Variants in NSD1 observed in about 807,000 individuals in gnomAD.
NSD1 encodes the protein nuclear receptor binding SET domain protein 1, also known as histone-lysine N-methyltransferase, H3 lysine-36 specific.
A neutral mutation model predicts 242.7 loss-of-function variants in NSD1; 26 were observed. The observed-to-expected ratio is 0.11, with a 90% confidence interval of 0.08 to 0.15. The LOEUF is 0.15. Among genes scored for constraint, NSD1 ranks in the 10% least tolerant of loss-of-function variants. NSD1 has a pLI of 1.00. For synonymous variants in NSD1, 1,106 were observed against 1,178.1 expected, an observed-to-expected ratio of 0.94 and a Z score of 1.25; for missense variants, 2,495 against 3,272.8, an observed-to-expected ratio of 0.76 and a Z score of 5.80.
At chr5:177,149,248 T>C (rs1398533107) in intron 2 of NSD1, among the ~76,000 whole-genome samples, 2 of 151,996 alleles carry the variant, frequency 1.3e-5, no homozygotes, top group Admixed American at 1.3e-4. Context: ...GACGGAATGT[T>C]GCTCTTGTTG....
In NSD1 at chr5:177,299,876, G is replaced by T; in HGVS notation, c.*4417G>T. 4.3e-6 allele frequency: 1 copy of T among 233,334 alleles called. No homozygotes were observed. Among genetic ancestry groups the T allele is most frequent in the East Asian group, 6.0e-5 (1 of 16,594 alleles). 14.5% of individuals were successfully genotyped at this position (233,334 alleles called of 1,614,324 possible). A position where few individuals can be genotyped will look rare whatever the true frequency, so the allele number is the denominator to read the frequency against. ...AGAGCAAGGCGGTCTCATCGAGGTG[G>T]GTGCTACCTGTGTGTGTGTAGATGA... is the stretch of plus-strand genomic sequence containing the variant. On this transcript the variant is annotated 3_prime_UTR_variant, in exon 23 of 23. Transcript: ENST00000439151.
Position 177,300,057 on chromosome 5 carries a change from GCCCCCCC to G in NSD1, c.*4605_*4611del, listed in dbSNP as rs60995782. On this transcript the variant is annotated 3_prime_UTR_variant, in exon 23 of 23. Transcript: ENST00000439151. ...AGGTCCATCATTGCTTTTTTGCCGCGCCCCCCCCCCCCCGCCCCCATAGATTGTCAGC... is the reference window on the plus strand; with the variant it reads ...AGGTCCATCATTGCTTTTTTGCCGCGCCCCCCGCCCCCATAGATTGTCAGC... 1.9e-4 allele frequency: 25 copies of G among 134,926 alleles called. 1 individual carries two copies. The highest frequency in any genetic ancestry group is 1.0e-3 in the African/African-American group (25 of 24,326). The allele number at this position is 134,926 out of a possible 1,614,324, so 8.4% of individuals were successfully genotyped here.
chr5:177,290,633 T>C (rs1759744510), intron 21 of NSD1, among the ~76,000 whole-genome samples: 1 of 149,482 alleles, frequency 6.7e-6, no homozygotes, highest in African/African-American at 2.6e-5. Flanking sequence ...GGTCTCAAAC[T>C]CCTGACCTCA....
chr5:177,162,436 C>T (rs558423369), intron 2 of NSD1, among the ~76,000 whole-genome samples: 46 of 152,142 alleles, frequency 3.0e-4, no homozygotes, highest in Non-Finnish European at 5.6e-4. Context: ...CACTCTGTCA[C>T]GCAGGCTGGA....
intron 2 of NSD1, among the ~76,000 whole-genome samples, chr5:177,156,708 A>G (rs1479927175): frequency 6.6e-6 from 1 of 152,142 alleles, no homozygotes; most frequent in African/African-American, 2.4e-5. Flanking sequence ...TTTTTATAGT[A>G]TGTCATGTTT....
At chr5:177,283,764 T>C in intron 19 of NSD1, 23 bp from the exon 20 acceptor site, 1 of 1,613,806 alleles carries the variant, frequency 6.2e-7, no homozygotes, top group Admixed American at 1.7e-5. Flanking sequence ...AAGTCTGATG[T>C]GTAGCTTCTT....
rs1180593710 is a variant in NSD1 at position 177,295,016 on chromosome 5, G to A, written c.7648G>A (p.Glu2550Lys). The change falls in exon 23 of 23, where the codon GAG becomes AAG. Residue 2550 changes from glutamate (E) to lysine (K), a missense_variant. Coordinates refer to ENST00000439151, the MANE Select transcript of NSD1 (RefSeq NM_022455.5). The surrounding 1 kb of genome is among the most constrained non-coding windows in gnomAD (Gnocchi z 4.3). ...SQPPAKAFLY[E>K]PTTQASGRAS... ...GCCTCCTGCCAAGGCCTTTTTATATGAGCCAACAACTCAGGCCTCAGGAAG... is the reference window on the plus strand; with the variant it reads ...GCCTCCTGCCAAGGCCTTTTTATATAAGCCAACAACTCAGGCCTCAGGAAG... 3.1e-6 allele frequency: 5 copies of A among 1,614,202 alleles called. No homozygotes were observed. The highest frequency in any genetic ancestry group is 4.2e-6 in the Non-Finnish European group (5 of 1,180,036).
At chr5:177,262,597 G>A (rs754772128) in intron 14 of NSD1, among the ~76,000 whole-genome samples, 3 of 152,212 alleles carry the variant, frequency 2.0e-5, no homozygotes, top group Non-Finnish European at 4.4e-5. Flanking sequence ...ACAGCTACAA[G>A]GCTGGGCGCC....
chr5:177,201,313 G>C (rs763324908), intron 3 of NSD1, among the ~76,000 whole-genome samples: 1 of 152,060 alleles, frequency 6.6e-6, no homozygotes, highest in Non-Finnish European at 1.5e-5. Flanking sequence ...GGGTTCAAGC[G>C]ATTCTTCTGC....
chr5:177,142,784 A>C (rs1019980492), intron 2 of NSD1, among the ~76,000 whole-genome samples: 2 of 152,152 alleles, frequency 1.3e-5, no homozygotes, highest in Admixed American at 1.3e-4. Context: ...AAAATGAGAA[A>C]TACTGGGTCT....
chr5:177,195,078 G>C lies in NSD1; in HGVS notation c.1063+3059G>C, dbSNP rs141379354. 4.3e-3 allele frequency among the ~76,000 whole-genome samples: 655 copies of C among 152,210 alleles called. 3 individuals carry two copies. The highest frequency in any genetic ancestry group is 0.014 in the African/African-American group (599 of 41,520). On this transcript the variant is annotated intron_variant, in intron 3 of 22. Coordinates refer to ENST00000439151, the MANE Select transcript of NSD1 (RefSeq NM_022455.5). Reference sequence around the variant, plus strand: ...GGAGGCTGAGGCAGAAGAATTGCTTGAGCCCGGGATGTGGAGGTTGCCGTG... The same window carrying C: ...GGAGGCTGAGGCAGAAGAATTGCTTCAGCCCGGGATGTGGAGGTTGCCGTG...
Position 177,135,556 on chromosome 5 carries a change from G to A in NSD1, c.453G>A (p.Leu151=), listed in dbSNP as rs1171422289. 1.2e-6 allele frequency: 2 copies of A among 1,614,054 alleles called. No homozygotes were observed. The highest frequency in any genetic ancestry group is 2.2e-5 in the East Asian group (1 of 44,900). Residue 151 remains leucine, a synonymous_variant, in exon 2 of 23, where the codon CTG becomes CTA. Coordinates refer to ENST00000439151, the MANE Select transcript of NSD1 (RefSeq NM_022455.5). Reference sequence around the variant, plus strand: ...CAAAGACTATCAAGAATGGCTTTCTGCACTTTGAGAATTTTACTTGTGTGG... The same window carrying A: ...CAAAGACTATCAAGAATGGCTTTCTACACTTTGAGAATTTTACTTGTGTGG... ...KVTKTIKNGF[L]HFENFTCVDD...
intron 2 of NSD1, among the ~76,000 whole-genome samples, chr5:177,183,714 T>C (rs1262868600): frequency 2.6e-5 from 4 of 152,184 alleles, no homozygotes; most frequent in African/African-American, 9.7e-5. Context: ...TATTCATTAT[T>C]TCTAACTTTT....
At chr5:177,292,322 T>C (rs2127276933) in intron 22 of NSD1, among the ~76,000 whole-genome samples, 164 bp downstream of exon 22, 1 of 152,354 alleles carries the variant, frequency 6.6e-6, no homozygotes, top group South Asian at 2.1e-4. Flanking sequence ...AAGCAAAGGC[T>C]TAGAATTCTT....
chr5:177,165,527 C>T (rs1286913363), intron 2 of NSD1, among the ~76,000 whole-genome samples: 1 of 152,008 alleles, frequency 6.6e-6, no homozygotes, highest in African/African-American at 2.4e-5. Flanking sequence ...GATATTAAAT[C>T]CTTAACTAGG....
intron 22 of NSD1, 42 bp downstream of exon 22, chr5:177,292,200 A>G (rs746016486): frequency 2.5e-6 from 4 of 1,596,192 alleles, no homozygotes; most frequent in African/African-American, 1.3e-5. Flanking sequence ...CGTTCTCTCC[A>G]TCATACTCAG....
rs576920269 is a variant in NSD1 at position 177,144,773 on chromosome 5, C to T, written c.927+8743C>T. 1.0e-3 allele frequency among the ~76,000 whole-genome samples: 156 copies of T among 152,086 alleles called. 1 individual carries two copies. Among genetic ancestry groups the T allele is most frequent in the African/African-American group, 3.7e-3 (154 of 41,484 alleles). On this transcript the variant is annotated intron_variant, in intron 2 of 22. Coordinates refer to ENST00000439151, the MANE Select transcript of NSD1 (RefSeq NM_022455.5). The stretch of plus-strand genomic sequence containing the variant: ...GCCTTTTAAAGCAATTCCTATGAAC[C>T]TTTTTGAATTTAGAAAAGTAATACT...
chr5:177,265,003 G>C, intron 14 of NSD1: 5 of 810,528 alleles, frequency 6.2e-6, no homozygotes, highest in African/African-American at 3.3e-5. Flanking sequence ...AAACAAACAA[G>C]GGCAAGATTC....
intron 8 of NSD1, among the ~76,000 whole-genome samples, chr5:177,242,698 T>G (rs1765975119): frequency 1.3e-5 from 2 of 151,998 alleles, no homozygotes; most frequent in African/African-American, 4.8e-5. Flanking sequence ...TGGCTAATTT[T>G]TTGTATTTTT....
Sources: gnomAD v4.1 joint callset for allele counts (sites outside exome capture counted in the v4.1 genomes callset) on GRCh38, gnomAD v4.1.1 for gene constraint, Gnocchi (gnomAD v3.1) non-coding constraint, MANE v1.5 for transcripts, NCBI Gene and HGNC (gene_info 2026-07-23, HGNC 2026-07-21) for gene names.